The following DDX10 variants were observed in gnomAD, a reference collection of about 807,000 sequenced individuals.
DDX10 encodes the protein DEAD-box helicase 10, also known as probable ATP-dependent RNA helicase DDX10.
Under a neutral mutation model 104.3 loss-of-function variants are expected in DDX10, and 74 were observed. That is an observed-to-expected ratio of 0.71 (90% CI 0.59 to 0.86). DDX10 has a LOEUF of 0.86. Ranked by LOEUF, DDX10 falls within the 40% of genes least tolerant of loss-of-function variation. DDX10 has a pLI of 0.00. For missense variants in DDX10, 952 were observed against 1,040.0 expected (o/e 0.92, Z 1.16); for synonymous variants, 351 against 353.4 (o/e 0.99, Z 0.08).
At position 108,691,890 on chromosome 11, in the gene DDX10, C is replaced by A; in HGVS notation, c.990C>A (p.Tyr330Ter). Reference sequence around the variant, plus strand: ...TGATGCCCCAGGTCCAGTATCTGTACCGAGTGTTTTGCCGGCTACGTCCTG... The same window carrying A: ...TGATGCCCCAGGTCCAGTATCTGTAACGAGTGTTTTGCCGGCTACGTCCTG... ...FSSCKEVQYL[Y>*]RVFCRLRPGV... is the part of the protein sequence containing the mutation. The change falls in exon 8 of 18, where the codon TAC (tyrosine) becomes TAA (stop). Residue 330 changes from tyrosine (Y) to a stop codon, truncating the protein, a stop_gained. Coordinates refer to ENST00000322536, the MANE Select transcript of DDX10 (RefSeq NM_004398.4). LOFTEE classifies it high-confidence loss of function. The A allele has an allele frequency of 6.2e-7, 1 of 1,613,956 alleles. No homozygotes were observed. The highest frequency in any genetic ancestry group is 8.5e-7 in the Non-Finnish European group (1 of 1,179,922).
chr11:108,668,457 A>C (rs1215997622), intron 1 of DDX10, among the ~76,000 whole-genome samples: 1 of 152,206 alleles, frequency 6.6e-6, no homozygotes, highest in African/African-American at 2.4e-5. Context: ...TTGAGAAATA[A>C]ATGCAGTGTG....
chr11:108,770,771 G>A (rs1434512428), intron 13 of DDX10, among the ~76,000 whole-genome samples: 2 of 150,798 alleles, frequency 1.3e-5, no homozygotes, highest in Non-Finnish European at 2.9e-5. Context: ...CCATTCATCT[G>A]TTGATGGACA....
chr11:108,913,136 A>G (rs1447899707), intron 16 of DDX10, among the ~76,000 whole-genome samples: 4 of 152,230 alleles, frequency 2.6e-5, no homozygotes, highest in Admixed American at 1.3e-4. Flanking sequence ...GGACACACCC[A>G]TGACACAGCC....
intron 17 of DDX10, among the ~76,000 whole-genome samples, chr11:108,938,877 T>C (rs1381955204): frequency 6.6e-6 from 1 of 152,228 alleles, no homozygotes; most frequent in Admixed American, 6.5e-5. Flanking sequence ...ATCCAGGCTG[T>C]CTTCTTAAAG....
chr11:108,883,611 C>G (rs1591109570), intron 16 of DDX10, among the ~76,000 whole-genome samples: 1 of 152,126 alleles, frequency 6.6e-6, no homozygotes, highest in South Asian at 2.1e-4. Context: ...ACATTGATTT[C>G]CCTTTATAGT....
chr11:108,897,904 A>G (rs1045573400), intron 16 of DDX10, among the ~76,000 whole-genome samples: 3 of 152,090 alleles, frequency 2.0e-5, no homozygotes, highest in African/African-American at 7.2e-5. Flanking sequence ...TATCAACTCA[A>G]TCCAATAAGC....
intron 9 of DDX10, among the ~76,000 whole-genome samples, chr11:108,694,827 G>A (rs3781867): frequency 2.0e-5 from 3 of 151,892 alleles, no homozygotes; most frequent in Non-Finnish European, 4.4e-5. Flanking sequence ...GTTGCAGTGA[G>A]CCGAGATCGC....
chr11:108,840,747 T>G (rs537831391), intron 14 of DDX10, among the ~76,000 whole-genome samples: 1 of 152,354 alleles, frequency 6.6e-6, no homozygotes, highest in East Asian at 1.9e-4. Flanking sequence ...GGTATGTGAT[T>G]CATTGATCCA....
chr11:108,822,850 A>G (rs913457919), intron 13 of DDX10, among the ~76,000 whole-genome samples: 4 of 152,228 alleles, frequency 2.6e-5, no homozygotes, highest in Admixed American at 2.0e-4. Flanking sequence ...TTCACAGAGG[A>G]AGGTCTAGCA....
intron 13 of DDX10, among the ~76,000 whole-genome samples, chr11:108,837,558 A>G (rs942128034): frequency 2.1e-5 from 3 of 142,030 alleles, no homozygotes; most frequent in Admixed American, 1.4e-4. Context: ...GCTAGGTCCT[A>G]ATCAGTACTT....
At chr11:108,743,058 A>G (rs936681358) in intron 13 of DDX10, among the ~76,000 whole-genome samples, 10 of 152,174 alleles carry the variant, frequency 6.6e-5, no homozygotes, top group Non-Finnish European at 1.3e-4. Context: ...TGATACCAAA[A>G]GCTGGTTGAG....
chr11:108,840,568 A>T (rs1466290739), intron 14 of DDX10, among the ~76,000 whole-genome samples: 1 of 152,202 alleles, frequency 6.6e-6, no homozygotes, highest in African/African-American at 2.4e-5. Context: ...AAAAGCCAGG[A>T]CATTTAGACA....
At chr11:108,804,112 A>G (rs1158649448) in intron 13 of DDX10, among the ~76,000 whole-genome samples, 1 of 152,172 alleles carries the variant, frequency 6.6e-6, no homozygotes, top group Non-Finnish European at 1.5e-5. Flanking sequence ...GTAAGCATTT[A>G]TTGAGGGCAT....
chr11:108,723,627 A>AT (rs2094301628), intron 13 of DDX10, among the ~76,000 whole-genome samples, 165 bp downstream of exon 13: 1 of 152,156 alleles, frequency 6.6e-6, no homozygotes, highest in Non-Finnish European at 1.5e-5. Flanking sequence ...AATAAGTGCC[A>AT]ATGAATTTTC....
At chr11:108,715,124 C>G (rs2094289763) in intron 10 of DDX10, among the ~76,000 whole-genome samples, 1 of 149,706 alleles carries the variant, frequency 6.7e-6, no homozygotes, top group Non-Finnish European at 1.5e-5. Flanking sequence ...TATAGTATGC[C>G]TAATTTCTAA....
At chr11:108,845,508 A>G (rs903382893) in intron 15 of DDX10, among the ~76,000 whole-genome samples, 1 of 152,134 alleles carries the variant, frequency 6.6e-6, no homozygotes, top group African/African-American at 2.4e-5. Context: ...CTTCTATGAA[A>G]GTATATTGAG....
chr11:108,873,267 A>G (rs1361243403), intron 16 of DDX10, among the ~76,000 whole-genome samples: 1 of 152,172 alleles, frequency 6.6e-6, no homozygotes, highest in Non-Finnish European at 1.5e-5. Flanking sequence ...CTGAAGGTCA[A>G]GTTTGAGAAA....
intron 15 of DDX10, among the ~76,000 whole-genome samples, chr11:108,849,785 A>C (rs1358251662): frequency 6.6e-6 from 1 of 152,130 alleles, no homozygotes; most frequent in Non-Finnish European, 1.5e-5. Context: ...CCTAATTAAA[A>C]GGGGAGGAGG....
At position 108,940,130 on chromosome 11, in the gene DDX10, G is replaced by A. The variant is rs890781510; in HGVS notation, c.2451-116G>A. 8.0e-6 allele frequency: 9 copies of A among 1,125,568 alleles called. No homozygotes were observed. The African/African-American group carries it at 1.4e-4, about 18-fold the overall frequency. The allele number at this position is 1,125,568 out of a possible 1,614,324, so 69.7% of individuals were successfully genotyped here. On this transcript the variant is annotated intron_variant, in intron 17 of 17. Transcript: ENST00000322536. ...TATACAGATATCTTGATGTTGCCAT[G>A]GTTTCCTTCATTCTTGAATAATATC...
Sources: allele counts gnomAD v4.1 joint callset (sites outside exome capture counted in the v4.1 genomes callset), GRCh38; gene constraint gnomAD v4.1.1; transcripts MANE v1.5; gene names NCBI Gene and HGNC (gene_info 2026-07-23, HGNC 2026-07-21).